The following NR4A3 variants were observed in gnomAD, a reference collection of about 807,000 sequenced individuals.
NR4A3 encodes the protein chondrosarcoma, extraskeletal myxoid, fused to EWS.
A neutral mutation model predicts 55.6 loss-of-function variants in NR4A3; 13 were observed. The ratio of observed to expected loss-of-function variants is 0.23; its 90% confidence interval spans 0.15 to 0.37. The LOEUF is 0.37. Ranked by LOEUF, NR4A3 falls within the 10% of genes least tolerant of loss-of-function variation. The pLI is 1.00. For synonymous variants in NR4A3, 342 were observed against 357.9 expected, an observed-to-expected ratio of 0.96 and a Z score of 0.50; for missense variants, 646 against 822.8, an observed-to-expected ratio of 0.79 and a Z score of 2.63.
rs1827270413 is a variant in NR4A3 at position 99,825,128 on chromosome 9, C to T, written c.-176-531C>T. The stretch of plus-strand genomic sequence containing the variant: ...ATGAAAAGCGCAGACTTTCTTAATT[C>T]CTCGGGGCATTCATGCATTCGTTCC... On this transcript the variant is annotated intron_variant, in intron 1 of 7. Coordinates refer to ENST00000395097, the MANE Select transcript of NR4A3 (RefSeq NM_006981.4). The surrounding 1 kb of genome is among the most constrained non-coding windows in gnomAD (Gnocchi z 5.0). 6.6e-6 allele frequency among the ~76,000 whole-genome samples: 1 copy of T among 152,104 alleles called. No homozygotes were observed. Among genetic ancestry groups the T allele is most frequent in the Admixed American group, 6.5e-5 (1 of 15,278 alleles).
At chr9:99,830,570 C>T (rs183065441) in intron 3 of NR4A3, among the ~76,000 whole-genome samples, 5 of 152,284 alleles carry the variant, frequency 3.3e-5, no homozygotes, top group South Asian at 2.1e-4. Context: ...GACTGCAATA[C>T]GTTAAGTGCC....
intron 2 of NR4A3, chr9:99,826,831 A>T (rs1391279796): frequency 6.3e-6 from 10 of 1,594,108 alleles, no homozygotes; most frequent in Non-Finnish European, 8.6e-6. Context: ...GGAAATGTGA[A>T]GTATTCACTT....
intron 7 of NR4A3, among the ~76,000 whole-genome samples, chr9:99,850,585 G>T (rs1827830933): frequency 6.6e-6 from 1 of 152,210 alleles, no homozygotes; most frequent in Non-Finnish European, 1.5e-5. Context: ...TTGGCTGGGG[G>T]AGGAGGCAGT....
chr9:99,834,481 G>T (rs1827513985), intron 5 of NR4A3, among the ~76,000 whole-genome samples: 1 of 152,032 alleles, frequency 6.6e-6, no homozygotes, highest in African/African-American at 2.4e-5. Flanking sequence ...CCTCCTACTT[G>T]AAGGAAAACA....
rs1157278719 is a variant in NR4A3, at chr9:99,864,465, T to C, written c.*598T>C. The C allele has an allele frequency of 8.8e-6, 2 of 228,056 alleles. No homozygotes were observed. Among genetic ancestry groups the C allele is most frequent in the Admixed American group, 5.7e-5 (1 of 17,628 alleles). The allele number at this position is 228,056 out of a possible 1,614,324, so 14.1% of individuals were successfully genotyped here. On this transcript the variant is annotated 3_prime_UTR_variant, in exon 8 of 8. Transcript: ENST00000395097. ...AAACAATAATGGCTGTTTGCTTCCA[T>C]AAACAAGTGCAATTTTTTAAAGTGC... is the stretch of plus-strand genomic sequence containing the variant.
At chr9:99,833,098 T>G (rs1827478681) in intron 4 of NR4A3, among the ~76,000 whole-genome samples, 184 bp from the exon 5 acceptor site, 1 of 152,250 alleles carries the variant, frequency 6.6e-6, no homozygotes. Context: ...GTGGCTTTTA[T>G]GCTGCTTGTT....
Position 99,822,292 on chromosome 9 carries a change from G to C in NR4A3, c.-292G>C, listed in dbSNP as rs1480034546. 3 of 152,412 alleles carry C rather than the reference G, an allele frequency of 2.0e-5. No individual in the cohort carries two copies. Among genetic ancestry groups the C allele is most frequent in the Non-Finnish European group, 4.4e-5 (3 of 68,202 alleles). 9.4% of individuals were successfully genotyped at this position (152,412 alleles called of 1,614,324 possible). ...CAGCCGCTCACCGCCTCCGGGAGCC[G>C]CTGGGCTTGTACACCGCAGCCCTTC... On this transcript the variant is annotated 5_prime_UTR_variant, in exon 1 of 8. Transcript: ENST00000395097. The surrounding 1 kb of genome is among the most constrained non-coding windows in gnomAD (Gnocchi z 4.9).
intron 7 of NR4A3, among the ~76,000 whole-genome samples, chr9:99,856,082 G>A (rs1827923322): frequency 6.6e-6 from 1 of 152,106 alleles, no homozygotes; most frequent in African/African-American, 2.4e-5. Flanking sequence ...TTTTTGCTTG[G>A]ACTGGGGTCG....
chr9:99,866,153 T>C lies in NR4A3; in HGVS notation c.*2286T>C, dbSNP rs1211229119. On this transcript the variant is annotated 3_prime_UTR_variant, in exon 8 of 8. Transcript: ENST00000395097. ...TTTTTGAGCTTATATGCAAACATAATAAATATTATTAAATATCAGGAAAGC... is the reference window on the plus strand; with the variant it reads ...TTTTTGAGCTTATATGCAAACATAACAAATATTATTAAATATCAGGAAAGC... 3 of 210,684 alleles carry C rather than the reference T, an allele frequency of 1.4e-5. No individual in the cohort carries two copies. In the Admixed American group the frequency reaches 1.8e-4, roughly 12 times the overall value. The allele number at this position is 210,684 out of a possible 1,614,324, so 13.1% of individuals were successfully genotyped here. A position where few individuals can be genotyped will look rare whatever the true frequency, so the allele number is the denominator to read the frequency against.
At chr9:99,860,721 G>A (rs917662779) in intron 7 of NR4A3, among the ~76,000 whole-genome samples, 2 of 152,182 alleles carry the variant, frequency 1.3e-5, no homozygotes, top group Non-Finnish European at 1.5e-5. Context: ...AGTTTCTCAG[G>A]GAAAGCAAAA....
At chr9:99,856,525 G>C (rs1414522278) in intron 7 of NR4A3, among the ~76,000 whole-genome samples, 1 of 152,132 alleles carries the variant, frequency 6.6e-6, no homozygotes, top group Non-Finnish European at 1.5e-5. Context: ...ATACCAATTG[G>C]GGACCCCTGA....
chr9:99,828,610 C>T lies in NR4A3; in HGVS notation c.568C>T (p.Leu190Phe). ...CACGGTGGCCGGCGCGCGCTTCCCG[C>T]TCTTCCACTTCAAGCCCTCGCCGCC... ...VPTVAGARFP[L>F]FHFKPSPPHP... Residue 190 changes from leucine (L) to phenylalanine (F), a missense_variant, in exon 3 of 8, where the codon CTC becomes TTC. By Grantham distance (22) the Leu-to-Phe change is conservative. Transcript: ENST00000395097. The surrounding 1 kb of genome is among the most constrained non-coding windows in gnomAD (Gnocchi z 7.7). 1.3e-6 allele frequency: 2 copies of T among 1,532,748 alleles called. No homozygotes were observed. Among genetic ancestry groups the T allele is most frequent in the South Asian group, 1.2e-5 (1 of 84,044 alleles). The allele number at this position is 1,532,748 out of a possible 1,614,324, so 94.9% of individuals were successfully genotyped here.
intron 3 of NR4A3, among the ~76,000 whole-genome samples, chr9:99,830,238 C>T (rs1366849050): frequency 6.6e-6 from 1 of 152,122 alleles, no homozygotes; most frequent in East Asian, 1.9e-4. Flanking sequence ...TGAGAGAAGA[C>T]TCAAATAGAA....
Position 99,833,418 on chromosome 9 carries a change from A to T in NR4A3, c.1218A>T (p.Leu406Phe). Residue 406 changes from leucine to phenylalanine, a missense_variant, in exon 5 of 8, where the codon TTA (leucine) becomes TTT (phenylalanine). Coordinates refer to ENST00000395097, the MANE Select transcript of NR4A3 (RefSeq NM_006981.4). ...ICMMNALVRA[L>F]TDSTPRDLDY... ...TGATGAATGCCCTTGTCCGAGCTTT[A>T]ACAGACTCAACACCCAGAGATCTTG... is the stretch of plus-strand genomic sequence containing the variant. 6.2e-7 allele frequency: 1 copy of T among 1,614,104 alleles called. No individual in the cohort carries two copies.
chr9:99,843,115 TC>T (rs1242401961), intron 5 of NR4A3, among the ~76,000 whole-genome samples: 1 of 152,188 alleles, frequency 6.6e-6, no homozygotes, highest in African/African-American at 2.4e-5. Context: ...CAAGAAAAAC[TC>T]TGGTTCCACC....
At chr9:99,851,043 C>T (rs1298063814) in intron 7 of NR4A3, among the ~76,000 whole-genome samples, 1 of 152,210 alleles carries the variant, frequency 6.6e-6, no homozygotes, top group Non-Finnish European at 1.5e-5. Context: ...ACTTAACAAG[C>T]ACTTACAATA....
chr9:99,859,960 A>G (rs540200071), intron 7 of NR4A3, among the ~76,000 whole-genome samples: 65 of 152,352 alleles, frequency 4.3e-4, no homozygotes, highest in African/African-American at 1.5e-3. Flanking sequence ...AGTATCAGCA[A>G]GGTGATGTTT....
At chr9:99,834,535 C>T (rs1827515771) in intron 5 of NR4A3, among the ~76,000 whole-genome samples, 1 of 152,054 alleles carries the variant, frequency 6.6e-6, no homozygotes, top group Non-Finnish European at 1.5e-5. Flanking sequence ...ACAGCTTGCA[C>T]TCAGATAAAG....
At chr9:99,847,260 G>C (rs1055524187) in intron 6 of NR4A3, among the ~76,000 whole-genome samples, 177 bp from the exon 7 acceptor site, 12 of 152,214 alleles carry the variant, frequency 7.9e-5, no homozygotes, top group Non-Finnish European at 1.3e-4. Flanking sequence ...AGTGGTGCTA[G>C]TTGTTTATCC....
Sources: gnomAD v4.1 joint callset for allele counts (sites outside exome capture counted in the v4.1 genomes callset) on GRCh38, gnomAD v4.1.1 for gene constraint, Gnocchi (gnomAD v3.1) non-coding constraint, MANE v1.5 for transcripts, NCBI Gene and HGNC (gene_info 2026-07-23, HGNC 2026-07-21) for gene names.